Variants in ALAS1 observed in about 807,000 individuals in gnomAD.
ALAS1 encodes the protein 5-aminolevulinate synthase, non-specific, mitochondrial.
Under a neutral mutation model 59.6 loss-of-function variants are expected in ALAS1, and 29 were observed. The ratio of observed to expected loss-of-function variants is 0.49; its 90% CI spans 0.36 to 0.66. The LOEUF (loss-of-function observed/expected upper bound fraction) is 0.66. Among genes scored for constraint, ALAS1 ranks in the 30% least tolerant of loss-of-function variants. The probability of loss-of-function intolerance (pLI) is 0.00; values close to 1 mark genes in which losing one functional copy is unlikely to be tolerated. For synonymous variants in ALAS1, 299 were observed against 296.6 expected (o/e 1.01, Z -0.08); for missense variants, 690 against 807.5 (o/e 0.85, Z 1.76).
At chr3:52,198,320 G>GCA in intron 1 of ALAS1, 65 bp downstream of exon 1, 1 of 406,022 alleles carries the variant, frequency 2.5e-6, no homozygotes, top group Non-Finnish European at 4.3e-6. Flanking sequence ...GCCAGCCGTG[G>GCA]CACCGCTGCC....
At chr3:52,213,430 CTTTA>C (rs1699452833) in intron 11 of ALAS1, among the ~76,000 whole-genome samples, 1 of 152,144 alleles carries the variant, frequency 6.6e-6, no homozygotes. Context: ...TTATTTTTCT[CTTTA>C]TTTATTTTTA....
intron 4 of ALAS1, 103 bp downstream of exon 4, chr3:52,202,837 G>A (rs758592356): frequency 2.7e-6 from 3 of 1,100,594 alleles, no homozygotes; most frequent in East Asian, 2.6e-5. Flanking sequence ...AGTATTTATG[G>A]AAACACCTTC....
intron 3 of ALAS1, among the ~76,000 whole-genome samples, chr3:52,200,403 A>G (rs372383187): frequency 2.8e-4 from 43 of 152,154 alleles, no homozygotes; most frequent in African/African-American, 8.7e-4. Context: ...GGTACCTCAT[A>G]TAAGTGAAAT....
At chr3:52,209,209 T>C (rs977215966) in intron 9 of ALAS1, among the ~76,000 whole-genome samples, 2 of 152,078 alleles carry the variant, frequency 1.3e-5, no homozygotes, top group African/African-American at 4.8e-5. Context: ...CTCTTTTCTT[T>C]TTTTTCTTTT....
chr3:52,202,100 A>C lies in ALAS1; in HGVS notation c.200-407A>C, dbSNP rs758582639. Among the ~76,000 whole-genome samples the C allele has an allele frequency of 6.6e-5, 10 of 152,246 alleles. 1 individual carries two copies. Among genetic ancestry groups the C allele is most frequent in the African/African-American group, 2.4e-4 (10 of 41,466 alleles). ...TGCAGTGGTTCACGCCTATAATCCC[A>C]GCACTTTGGGAGGCCAAGGCAGGTG... On this transcript the variant is annotated intron_variant, in intron 3 of 11. Coordinates refer to ENST00000484952, the MANE Select transcript of ALAS1 (RefSeq NM_000688.6).
intron 10 of ALAS1, among the ~76,000 whole-genome samples, chr3:52,211,861 A>G (rs536622357): frequency 8.3e-4 from 126 of 152,354 alleles, no homozygotes; most frequent in African/African-American, 2.8e-3. Context: ...ATGGCTTTCT[A>G]CTTAGTAAAT....
In ALAS1 at chr3:52,211,321, A is replaced by T. The variant is rs1291346706; in HGVS notation, c.1369A>T (p.Thr457Ser). 6.2e-7 allele frequency: 1 copy of T among 1,614,186 alleles called. No homozygotes were observed. Among genetic ancestry groups the T allele is most frequent in the East Asian group, 2.2e-5 (1 of 44,886 alleles). The change falls in exon 10 of 12, where the codon ACG becomes TCG. Residue 457 changes from threonine (T) to serine (S), a missense_variant. Thr to Ser is a moderately conservative substitution (Grantham distance 58, BLOSUM62 1). Transcript: ENST00000484952. The stretch of plus-strand genomic sequence containing the variant: ...TTGTGTTGGAGGGTACATCGCCAGC[A>T]CGAGTTCTCTGATTGACACCGTACG... ...FGCVGGYIAS[T>S]SSLIDTVRSY...
chr3:52,198,815 C>T lies in ALAS1; in HGVS notation c.-66C>T, dbSNP rs1699124839. The T allele has an allele frequency of 6.5e-7, 1 of 1,535,668 alleles. No individual in the cohort carries two copies. The highest frequency in any genetic ancestry group is 1.4e-5 in the African/African-American group (1 of 73,160). On this transcript the variant is annotated 5_prime_UTR_variant, in exon 2 of 12. Coordinates refer to ENST00000484952, the MANE Select transcript of ALAS1 (RefSeq NM_000688.6). ...CAGGATCCCTAAGAGTCTTCCCTGC[C>T]TGGATGGATGAGTGGCTTCTTCTCC...
rs1460260991 is a variant in ALAS1 at position 52,203,996 on chromosome 3, A to G, written c.561A>G (p.Gln187=). ...QRPERVSHLL[Q]DNLPKSVSTF... ...CAGAAAGAGTGTCTCATCTTCTTCA[A>G]GATAACTTGCCAAAATGTAAGTCTC... The change falls in exon 5 of 12, where the codon CAA becomes CAG. Residue 187 remains glutamine, a synonymous_variant. Coordinates refer to ENST00000484952, the MANE Select transcript of ALAS1 (RefSeq NM_000688.6). 1.2e-6 allele frequency: 2 copies of G among 1,606,046 alleles called. No individual in the cohort carries two copies. The highest frequency in any genetic ancestry group is 2.2e-5 in the South Asian group (2 of 89,334).
At chr3:52,206,960 G>A (rs1040091767) in intron 8 of ALAS1, among the ~76,000 whole-genome samples, 9 of 150,660 alleles carry the variant, frequency 6.0e-5, no homozygotes, top group Non-Finnish European at 8.9e-5. Flanking sequence ...TCAGCCTCCC[G>A]AGTAGCTGGG....
chr3:52,206,134 C>G, intron 7 of ALAS1, 111 bp downstream of exon 7: 1 of 1,045,240 alleles, frequency 9.6e-7, no homozygotes, highest in South Asian at 1.7e-5. Context: ...AATCATAATC[C>G]TATCTGGGCA....
In ALAS1 at chr3:52,205,981, G is replaced by A. The variant is rs1577966870; in HGVS notation, c.943G>A (p.Ala315Thr). 6.2e-7 allele frequency: 1 copy of A among 1,613,964 alleles called. No individual in the cohort carries two copies. The highest frequency in any genetic ancestry group is 1.1e-5 in the South Asian group (1 of 91,056). ...AALLFSSCFV[A>T]NDSTLFTLAK... ...ACTCTTGTTTTCCTCGTGCTTTGTG[G>A]CCAATGACTCAACCCTCTTCACCCT... The change falls in exon 7 of 12, where the codon GCC (alanine) becomes ACC (threonine). Residue 315 changes from alanine to threonine, a missense_variant. Transcript: ENST00000484952.
Position 52,202,379 on chromosome 3 carries a change from G to A in ALAS1, c.200-128G>A, listed in dbSNP as rs112154553. The A allele has an allele frequency of 6.6e-6, 5 of 759,616 alleles. No homozygotes were observed. The African/African-American group carries it at 7.0e-5, about 11-fold the overall frequency. 47.1% of individuals were successfully genotyped at this position (759,616 alleles called of 1,614,324 possible). On this transcript the variant is annotated intron_variant, in intron 3 of 11. Transcript: ENST00000484952. ...ACAAAACAAAACAAAAAAAACACTT[G>A]TGTCTGGATGGTGGGGTACAGTAAG...
intron 2 of ALAS1, 116 bp from the exon 3 acceptor site, chr3:52,199,094 G>A: frequency 9.1e-7 from 1 of 1,104,198 alleles, no homozygotes; most frequent in Non-Finnish European, 1.3e-6. Context: ...TTTTGAGGGA[G>A]AAGTGTTAGT....
intron 3 of ALAS1, among the ~76,000 whole-genome samples, chr3:52,201,612 TAGCTGGGCGC>T (rs904427357): frequency 7.0e-4 from 106 of 152,144 alleles, no homozygotes; most frequent in African/African-American, 2.5e-3. Flanking sequence ...TAAAAAGAAT[TAGCTGGGCGC>T]AGTAGAACAC....
rs1394062510 is a variant in ALAS1, at chr3:52,214,107, A to T, written c.1850A>T (p.His617Leu). Residue 617 changes from histidine (H) to leucine (L), a missense_variant, in exon 12 of 12, where the codon CAT becomes CTT. Coordinates refer to ENST00000484952, the MANE Select transcript of ALAS1 (RefSeq NM_000688.6). ...AECNFCRRPL[H>L]FEVMSEREKS... ...TGCAACTTCTGCAGGAGGCCACTGC[A>T]TTTTGAAGTGATGAGTGAAAGAGAG... is the stretch of plus-strand genomic sequence containing the variant. 1.2e-6 allele frequency: 2 copies of T among 1,613,830 alleles called. No individual in the cohort carries two copies. Among genetic ancestry groups the T allele is most frequent in the African/African-American group, 1.3e-5 (1 of 74,914 alleles).
At chr3:52,211,669 G>A in intron 10 of ALAS1, 118 bp downstream of exon 10, 1 of 1,419,818 alleles carries the variant, frequency 7.0e-7, no homozygotes, top group Non-Finnish European at 9.6e-7. Flanking sequence ...CCAGGGCAGG[G>A]GTTGTAGCCA....
chr3:52,212,575 A>C, intron 11 of ALAS1, 155 bp downstream of exon 11: 1 of 946,142 alleles, frequency 1.1e-6, no homozygotes, highest in South Asian at 1.5e-5. Context: ...CTTGTTGCCC[A>C]GGCTGGAGTA....
Position 52,199,202 on chromosome 3 carries a change from T to G in ALAS1, c.-32-8T>G, listed in dbSNP as rs374909536. 599 of 1,612,750 alleles carry G rather than the reference T, an allele frequency of 3.7e-4. No homozygotes were observed. Among genetic ancestry groups the G allele is most frequent in the Non-Finnish European group, 4.8e-4 (569 of 1,178,892 alleles). On this transcript the variant is annotated splice_polypyrimidine_tract_variant and splice_region_variant and intron_variant, in intron 2 of 11. Coordinates refer to ENST00000484952, the MANE Select transcript of ALAS1 (RefSeq NM_000688.6). ...TTATTAACAACTGTTGATGTCACTC[T>G]TCATCAGTCTTTCCACAGGAGCCAG...
Sources: allele counts gnomAD v4.1 joint callset (sites outside exome capture counted in the v4.1 genomes callset), GRCh38; gene constraint gnomAD v4.1.1; transcripts MANE v1.5; gene names NCBI Gene and HGNC (gene_info 2026-07-23, HGNC 2026-07-21).